CFAP74: variants seen among roughly 807,000 people sequenced by gnomAD.
CFAP74 encodes the protein cilia and flagella associated protein 74.
In CFAP74, 124 loss-of-function variants were observed where a neutral mutation model predicts 188.9. That is an observed-to-expected ratio of 0.66 (90% CI 0.57 to 0.76). The LOEUF (loss-of-function observed/expected upper bound fraction) is 0.76. CFAP74 is among the 30% of genes least tolerant of loss of function. CFAP74 has a pLI of 0.00. For synonymous variants in CFAP74, 956 were observed against 916.7 expected (o/e 1.04, Z -0.77); for missense variants, 2,198 against 2,165.2 (o/e 1.02, Z -0.30).
chr1:1,984,829 C>T (rs1040894162), intron 6 of CFAP74: 8 of 153,850 alleles, frequency 5.2e-5, no homozygotes, highest in Non-Finnish European at 1.0e-4. Flanking sequence ...CTGCCCTGCC[C>T]AGGCTGGAAA....
At chr1:1,978,716 A>G (rs1656604017) in intron 6 of CFAP74, among the ~76,000 whole-genome samples, 1 of 152,204 alleles carries the variant, frequency 6.6e-6, no homozygotes, top group Admixed American at 6.5e-5. Flanking sequence ...TGTTGGGCCA[A>G]TGACCTCTAG....
intron 9 of CFAP74, among the ~76,000 whole-genome samples, chr1:1,971,059 TCACACACG>T (rs370602440): frequency 7.9e-6 from 1 of 125,790 alleles, no homozygotes; most frequent in African/African-American, 3.1e-5. Flanking sequence ...ACACACATGC[TCACACACG>T]CACACCTGCA....
chr1:1,982,958 A>G (rs964588538), intron 6 of CFAP74, among the ~76,000 whole-genome samples: 1 of 152,204 alleles, frequency 6.6e-6, no homozygotes, highest in Non-Finnish European at 1.5e-5. Context: ...AGGGAAGAAG[A>G]AGGGAACCTG....
At position 1,966,520 on chromosome 1, in the gene CFAP74, C is replaced by T. The variant is rs1655485187; in HGVS notation, c.1252G>A (p.Glu418Lys). The T allele has an allele frequency of 2.6e-6, 4 of 1,559,268 alleles. No homozygotes were observed. The highest frequency in any genetic ancestry group is 1.2e-5 in the South Asian group (1 of 85,150). ...GAGGGCCCGGGGCCTGCAGCAGCCT[C>T]GTAGTCCTGCAGTCGGGGAGAGGAA... ...VPTNTYTLDY[E>K]AAAGPGPSRL... The change falls in exon 12 of 39, where the codon GAG (glutamate) becomes AAG (lysine). Residue 418 changes from glutamate (E) to lysine (K), a missense_variant. Coordinates refer to ENST00000682832, the MANE Select transcript of CFAP74 (RefSeq NM_001304360.2).
At chr1:1,988,832 C>G (rs1484113912) in intron 3 of CFAP74, 57 bp downstream of exon 3, 4 of 436,546 alleles carry the variant, frequency 9.2e-6, no homozygotes, top group African/African-American at 2.4e-5. Context: ...ACCCCCCCAC[C>G]CCCACCCCCA....
intron 2 of CFAP74, among the ~76,000 whole-genome samples, chr1:1,990,630 T>C (rs977808025): frequency 2.4e-4 from 36 of 152,068 alleles, no homozygotes; most frequent in Admixed American, 2.2e-3. Context: ...ATTCAAAGGA[T>C]TGGGATAAAA....
chr1:1,963,835 CT>C lies in CFAP74; in HGVS notation c.1607del (p.Lys536ArgfsTer5), dbSNP rs747008990. The C allele has an allele frequency of 1.9e-6, 3 of 1,613,758 alleles. No homozygotes were observed. The South Asian group carries it at 3.3e-5, about 18-fold the overall frequency. ...TGTAGGTGGTGTTTACCAACGTGAT[CT>C]TTTTCTTGTACACTTTGCCAATATC... ...DFDIGKVYKKKITLVNTTYTI... is the reference protein window; with the variant it reads ...DFDIGKVYKKXITLVNTTYTI... On this transcript the variant is annotated frameshift_variant, in exon 14 of 39. Coordinates refer to ENST00000682832, the MANE Select transcript of CFAP74 (RefSeq NM_001304360.2). LOFTEE classifies it high-confidence loss of function.
chr1:1,936,488 G>A (rs1570851306), intron 25 of CFAP74, among the ~76,000 whole-genome samples: 1 of 152,182 alleles, frequency 6.6e-6, no homozygotes, highest in East Asian at 1.9e-4. Flanking sequence ...AGGTTGCAGT[G>A]AGCCGAGATC....
At position 1,922,656 on chromosome 1, in the gene CFAP74, CT is replaced by C. The variant is rs1446124059; in HGVS notation, c.4750del (p.Arg1584GlyfsTer36). 6.2e-7 allele frequency: 1 copy of C among 1,603,168 alleles called. No individual in the cohort carries two copies. Among genetic ancestry groups the C allele is most frequent in the East Asian group, 2.3e-5 (1 of 44,236 alleles). On this transcript the variant is annotated frameshift_variant, in exon 38 of 39. Coordinates refer to ENST00000682832, the MANE Select transcript of CFAP74 (RefSeq NM_001304360.2). LOFTEE classifies it high-confidence loss of function. ...CGTCTGGCCGCGCTCCACGGAGCCC[CT>C]GGAGGGCTCAATAGAGAAACCCTTG... Reference protein sequence around the residue: ...QHKGFSIEPSRGSVERGQTKT... With the variant: ...QHKGFSIEPSXGSVERGQTKT...
chr1:1,924,635 G>C (rs1219401800), intron 33 of CFAP74, 115 bp from the exon 34 acceptor site: 2 of 1,243,822 alleles, frequency 1.6e-6, no homozygotes, highest in Admixed American at 5.6e-5. Context: ...GTGGGGACCC[G>C]GGTGGCCTGA....
intron 18 of CFAP74, among the ~76,000 whole-genome samples, chr1:1,952,706 A>C (rs1654281982): frequency 6.6e-6 from 1 of 152,106 alleles, no homozygotes; most frequent in Admixed American, 6.5e-5. Context: ...CCCAGGCTGA[A>C]TGCAGTGGTG....
Position 1,956,796 on chromosome 1 carries a change from C to T in CFAP74, c.1852-12G>A. ...TTGTCGAGGGACAGCTGCCAGAGGACATGGAGTGAACTCAGGGCCACCGTG... is the reference window on the plus strand; with the variant it reads ...TTGTCGAGGGACAGCTGCCAGAGGATATGGAGTGAACTCAGGGCCACCGTG... On this transcript the variant is annotated splice_polypyrimidine_tract_variant and intron_variant, in intron 16 of 38. Transcript: ENST00000682832. 6.2e-7 allele frequency: 1 copy of T among 1,610,318 alleles called. No individual in the cohort carries two copies. Among genetic ancestry groups the T allele is most frequent in the Non-Finnish European group, 8.5e-7 (1 of 1,178,220 alleles).
rs781317479 is a variant in CFAP74 at position 1,923,069 on chromosome 1, C to G, written c.4599G>C (p.Gln1533His). ...GTGGGGCTGGCGTGTCTGTGTCAAA[C>G]TGGATGTAGTCCAGGGTCACCAGGA... ...RPILVTLDYIQFDTDTPAPPA... is the reference protein window; with the variant it reads ...RPILVTLDYIHFDTDTPAPPA... The change falls in exon 37 of 39, where the codon CAG (glutamine) becomes CAC (histidine). Residue 1533 changes from glutamine (Q) to histidine (H), a missense_variant. Transcript: ENST00000682832. This position sits in a 1 kb window ranked among gnomAD's most constrained non-coding sequence, Gnocchi z 6.3. The G allele has an allele frequency of 1.2e-6, 2 of 1,609,814 alleles. No individual in the cohort carries two copies. The highest frequency in any genetic ancestry group is 4.5e-5 in the East Asian group (2 of 44,850).
Position 1,932,354 on chromosome 1 carries a change from G to A in CFAP74, c.3012-2018C>T, listed in dbSNP as rs191869017. Among the ~76,000 whole-genome samples the A allele has an allele frequency of 2.5e-3, 354 of 143,614 alleles. 1 individual carries two copies. The highest frequency in any genetic ancestry group is 8.4e-3 in the African/African-American group (328 of 38,840). The allele number at this position is 143,614 out of a possible 152,430, so 94.2% of individuals were successfully genotyped here. On this transcript the variant is annotated intron_variant, in intron 25 of 38. Transcript: ENST00000682832. ...GGAGCTTGCAGTGAGCCGAGATCGC[G>A]CCACCGCACTCCAGCCTGGGTGATA...
chr1:1,979,953 C>T (rs1034658812), intron 6 of CFAP74, among the ~76,000 whole-genome samples: 1 of 151,320 alleles, frequency 6.6e-6, no homozygotes, highest in African/African-American at 2.4e-5. Flanking sequence ...TGATCGCTCA[C>T]GGCCTGCCTC....
intron 14 of CFAP74, among the ~76,000 whole-genome samples, chr1:1,962,005 G>A (rs921797548): frequency 6.6e-6 from 1 of 152,068 alleles, no homozygotes; most frequent in African/African-American, 2.4e-5. Context: ...AGCAAGGGGG[G>A]AATGAGGATC....
At chr1:1,947,751 G>T (rs188777110) in intron 18 of CFAP74, among the ~76,000 whole-genome samples, 44 of 152,374 alleles carry the variant, frequency 2.9e-4, no homozygotes, top group African/African-American at 1.0e-3. Context: ...CCACGGGCTT[G>T]CCAGAGCCTG....
chr1:1,943,844 C>T (rs951156043), intron 21 of CFAP74, among the ~76,000 whole-genome samples: 1 of 152,218 alleles, frequency 6.6e-6, no homozygotes, highest in Admixed American at 6.5e-5. Context: ...CGGGCAGGGC[C>T]GTGCCCTTGT....
At chr1:1,952,985 C>A (rs2102057979) in intron 18 of CFAP74, among the ~76,000 whole-genome samples, 1 of 152,196 alleles carries the variant, frequency 6.6e-6, no homozygotes, top group African/African-American at 2.4e-5. Flanking sequence ...TCAGTTCTCC[C>A]CAAATTGATC....
Sources: allele counts gnomAD v4.1 joint callset (sites outside exome capture counted in the v4.1 genomes callset), GRCh38; gene constraint gnomAD v4.1.1; non-coding constraint Gnocchi (gnomAD v3.1); transcripts MANE v1.5; gene names NCBI Gene and HGNC (gene_info 2026-07-23, HGNC 2026-07-21).